Variants in SPAG16 observed in about 807,000 individuals in gnomAD.
The protein encoded by SPAG16 is sperm associated antigen 16, also known as sperm-associated antigen 16 protein.
In SPAG16, 86 loss-of-function variants were observed where a neutral mutation model predicts 80.4. The observed-to-expected ratio is 1.07, with a 90% CI of 0.90 to 1.28. The LOEUF is 1.28. Ranked by LOEUF, SPAG16 falls within the 50% of genes most tolerant of loss-of-function variation. The pLI is 0.00. For missense variants in SPAG16, 870 were observed against 765.3 expected (o/e 1.14, Z -1.61); for synonymous variants, 294 against 265.9 (o/e 1.11, Z -1.03).
At chr2:214,144,199 A>G (rs1426672887) in intron 14 of SPAG16, among the ~76,000 whole-genome samples, 3 of 152,164 alleles carry the variant, frequency 2.0e-5, no homozygotes, top group Admixed American at 6.5e-5. Flanking sequence ...AGCTCATGAA[A>G]TAAATAGTAA....
intron 13 of SPAG16, among the ~76,000 whole-genome samples, chr2:214,022,239 A>T (rs2047909775): frequency 6.6e-6 from 1 of 152,190 alleles, no homozygotes; most frequent in Admixed American, 6.6e-5. Flanking sequence ...CTTGAAAAAA[A>T]TCAATGTACG....
chr2:213,358,499 A>C (rs1223088666), intron 7 of SPAG16, among the ~76,000 whole-genome samples: 1 of 151,954 alleles, frequency 6.6e-6, no homozygotes, highest in Admixed American at 6.6e-5. Context: ...ACTTTATTTC[A>C]TTAAGTCGAT....
intron 15 of SPAG16, among the ~76,000 whole-genome samples, chr2:214,333,045 G>A (rs138836241): frequency 1.2e-4 from 18 of 152,178 alleles, no homozygotes; most frequent in East Asian, 7.7e-4. Context: ...TCCCATTATC[G>A]GAGGAAATGG....
In SPAG16 at chr2:213,292,402, C is replaced by T. The variant is rs186775396; in HGVS notation, c.137-3662C>T. On this transcript the variant is annotated intron_variant, in intron 1 of 15. Coordinates refer to ENST00000331683, the MANE Select transcript of SPAG16 (RefSeq NM_024532.5). Reference sequence around the variant, plus strand: ...ATCAGAGGCCGGGTGCGGTGGCTCACGCCTGTAATCCCAGCACTTTGGGAG... The same window carrying T: ...ATCAGAGGCCGGGTGCGGTGGCTCATGCCTGTAATCCCAGCACTTTGGGAG... 1.8e-3 allele frequency among the ~76,000 whole-genome samples: 277 copies of T among 152,142 alleles called. 1 individual carries two copies. Among genetic ancestry groups the T allele is most frequent in the African/African-American group, 6.5e-3 (269 of 41,496 alleles).
chr2:213,402,089 A>T (rs2068340401), intron 9 of SPAG16, among the ~76,000 whole-genome samples: 1 of 151,968 alleles, frequency 6.6e-6, no homozygotes, highest in African/African-American at 2.4e-5. Flanking sequence ...CAAATTTACT[A>T]ATTTTATTTT....
Position 213,718,501 on chromosome 2 carries a change from C to G in SPAG16, c.1071-143984C>G, listed in dbSNP as rs572433746. On this transcript the variant is annotated intron_variant, in intron 10 of 15. Transcript: ENST00000331683. ...CAGGGAGGTGTGGAGGGAGAGGCAC[C>G]AGCGGGAACCGGGGCTGCCTGCGGT... Among the ~76,000 whole-genome samples the G allele has an allele frequency of 5.3e-3, 803 of 152,290 alleles. 8 individuals are homozygous for G. Among genetic ancestry groups the G allele is most frequent in the Non-Finnish European group, 8.8e-3 (596 of 68,028 alleles).
intron 11 of SPAG16, among the ~76,000 whole-genome samples, chr2:213,899,439 C>T (rs186604249): frequency 4.6e-5 from 7 of 152,052 alleles, no homozygotes; most frequent in Admixed American, 3.9e-4. Flanking sequence ...TATATAGAGA[C>T]TGCATGATAA....
At chr2:213,818,936 C>G (rs1283526149) in intron 10 of SPAG16, among the ~76,000 whole-genome samples, 1 of 152,136 alleles carries the variant, frequency 6.6e-6, no homozygotes, top group African/African-American at 2.4e-5. Flanking sequence ...AATTGTGAGT[C>G]AATTAAACCT....
intron 15 of SPAG16, among the ~76,000 whole-genome samples, chr2:214,234,163 C>T (rs1688912328): frequency 6.6e-6 from 1 of 152,054 alleles, no homozygotes; most frequent in East Asian, 1.9e-4. Flanking sequence ...TCTGCATTAC[C>T]TTACTGAGGA....
intron 11 of SPAG16, among the ~76,000 whole-genome samples, chr2:213,895,770 A>G (rs1267072586): frequency 6.6e-6 from 1 of 152,144 alleles, no homozygotes; most frequent in African/African-American, 2.4e-5. Context: ...TTTACCACAC[A>G]CAAAAATAAA....
chr2:214,384,895 A>C (rs566183453), intron 15 of SPAG16, among the ~76,000 whole-genome samples: 1 of 152,320 alleles, frequency 6.6e-6, no homozygotes, highest in East Asian at 1.9e-4. Context: ...GTCAAGTTGA[A>C]TTCCTAAAGT....
chr2:213,798,674 A>G (rs1162556184), intron 10 of SPAG16, among the ~76,000 whole-genome samples: 1 of 152,176 alleles, frequency 6.6e-6, no homozygotes, highest in Non-Finnish European at 1.5e-5. Context: ...CAAGATTATG[A>G]AAATTTACTC....
Position 213,350,659 on chromosome 2 carries a change from C to CAGGT in SPAG16, c.762+15_762+16insGGTA. The stretch of plus-strand genomic sequence containing the variant: ...GTAGTTGGGCAGGTAAAGATATAGT[C>CAGGT]AAAGCTAACTTAAAATGATCTTTTA... On this transcript the variant is annotated intron_variant, in intron 7 of 15. Coordinates refer to ENST00000331683, the MANE Select transcript of SPAG16 (RefSeq NM_024532.5). 7.2e-7 allele frequency: 1 copy of CAGGT among 1,384,678 alleles called. No individual in the cohort carries two copies. The highest frequency in any genetic ancestry group is 9.9e-7 in the Non-Finnish European group (1 of 1,009,886). 85.8% of individuals were successfully genotyped at this position (1,384,678 alleles called of 1,614,324 possible).
intron 13 of SPAG16, among the ~76,000 whole-genome samples, chr2:214,076,896 G>T (rs1576086878): frequency 6.6e-6 from 1 of 152,126 alleles, no homozygotes; most frequent in South Asian, 2.1e-4. Flanking sequence ...TCAATAGCAA[G>T]TTGGATTTAG....
At chr2:214,044,729 A>C (rs2125107351) in intron 13 of SPAG16, among the ~76,000 whole-genome samples, 1 of 152,284 alleles carries the variant, frequency 6.6e-6, no homozygotes, top group Non-Finnish European at 1.5e-5. Flanking sequence ...CACTTAAGAG[A>C]GGGAGAGTTC....
intron 15 of SPAG16, among the ~76,000 whole-genome samples, chr2:214,314,957 A>G (rs1003340696): frequency 8.4e-5 from 12 of 142,024 alleles, no homozygotes; most frequent in Middle Eastern, 3.7e-3. Context: ...ATGATACTGT[A>G]TTAAAAAAAA....
intron 12 of SPAG16, among the ~76,000 whole-genome samples, chr2:213,949,459 G>T (rs755579682): frequency 6.6e-6 from 1 of 151,970 alleles, no homozygotes; most frequent in Non-Finnish European, 1.5e-5. Context: ...GAGCCACCGC[G>T]CTCGGCCTAC....
At chr2:213,938,598 C>G (rs1192676230) in intron 12 of SPAG16, among the ~76,000 whole-genome samples, 1 of 151,902 alleles carries the variant, frequency 6.6e-6, no homozygotes, top group East Asian at 1.9e-4. Context: ...TTTCAGACAA[C>G]AACCACTATT....
intron 15 of SPAG16, among the ~76,000 whole-genome samples, chr2:214,283,120 A>G (rs1305685921): frequency 6.6e-6 from 1 of 152,130 alleles, no homozygotes; most frequent in Non-Finnish European, 1.5e-5. Flanking sequence ...GATAATTATT[A>G]ATAATTATTA....
Sources: allele counts gnomAD v4.1 joint callset (sites outside exome capture counted in the v4.1 genomes callset), GRCh38; gene constraint gnomAD v4.1.1; transcripts MANE v1.5; gene names NCBI Gene and HGNC (gene_info 2026-07-23, HGNC 2026-07-21).